NKAIN2: variants seen among roughly 807,000 people sequenced by gnomAD.
The protein encoded by NKAIN2 is sodium/potassium transporting ATPase interacting 2.
A neutral mutation model predicts 32.6 loss-of-function variants in NKAIN2; 14 were observed. The ratio of observed to expected loss-of-function variants is 0.43; its 90% confidence interval spans 0.28 to 0.67. The LOEUF (loss-of-function observed/expected upper bound fraction) is 0.67. Among genes scored for constraint, NKAIN2 ranks in the 30% least tolerant of loss-of-function variants. The probability of loss-of-function intolerance (pLI) is 0.17; values close to 1 mark genes in which losing one functional copy is unlikely to be tolerated. For missense variants in NKAIN2, 198 were observed against 258.3 expected, an observed-to-expected ratio of 0.77 and a Z score of 1.60; for synonymous variants, 80 against 87.2, an observed-to-expected ratio of 0.92 and a Z score of 0.46.
intron 1 of NKAIN2, among the ~76,000 whole-genome samples, chr6:124,129,003 A>G (rs1307941430): frequency 6.6e-6 from 1 of 152,134 alleles, no homozygotes; most frequent in East Asian, 1.9e-4. Flanking sequence ...GAGAATTTGA[A>G]TATCTAATAA....
chr6:124,033,474 G>A (rs991528188), intron 1 of NKAIN2, among the ~76,000 whole-genome samples: 3 of 151,990 alleles, frequency 2.0e-5, no homozygotes, highest in Non-Finnish European at 4.4e-5. Flanking sequence ...TAGAGCCCTT[G>A]GACATCAATT....
chr6:124,383,008 C>G (rs1583163258), intron 3 of NKAIN2, among the ~76,000 whole-genome samples: 1 of 152,126 alleles, frequency 6.6e-6, no homozygotes, highest in East Asian at 1.9e-4. Context: ...TTCCTCCTCA[C>G]TTTTCAAATC....
At chr6:124,718,366 A>G (rs1008799658) in intron 4 of NKAIN2, among the ~76,000 whole-genome samples, 6 of 152,132 alleles carry the variant, frequency 3.9e-5, no homozygotes, top group Admixed American at 6.6e-5. Flanking sequence ...TTTATTTAGC[A>G]TAATATTTTC....
At chr6:124,692,873 G>A (rs1228630687) in intron 4 of NKAIN2, among the ~76,000 whole-genome samples, 1 of 152,132 alleles carries the variant, frequency 6.6e-6, no homozygotes, top group Non-Finnish European at 1.5e-5. Context: ...GCCAGCTCCA[G>A]TAGTATCACA....
chr6:124,024,811 A>G (rs984660832), intron 1 of NKAIN2, among the ~76,000 whole-genome samples: 5 of 151,920 alleles, frequency 3.3e-5, no homozygotes, highest in African/African-American at 9.7e-5. Flanking sequence ...ACATGGTGAA[A>G]CCCTGTCTCT....
intron 3 of NKAIN2, among the ~76,000 whole-genome samples, chr6:124,488,065 T>C (rs948778069): frequency 3.9e-5 from 6 of 152,126 alleles, no homozygotes; most frequent in Non-Finnish European, 8.8e-5. Context: ...TATAGTGCAT[T>C]GTGCATCACT....
chr6:124,805,773 C>T (rs1349799099), intron 5 of NKAIN2, among the ~76,000 whole-genome samples: 4 of 152,028 alleles, frequency 2.6e-5, no homozygotes, highest in Non-Finnish European at 5.9e-5. Context: ...ACTAGAATAA[C>T]CAATACAGAG....
chr6:124,720,338 G>T (rs879309197), intron 4 of NKAIN2, among the ~76,000 whole-genome samples: 1 of 152,062 alleles, frequency 6.6e-6, no homozygotes, highest in East Asian at 1.9e-4. Flanking sequence ...ACCTTTACCC[G>T]CAATTGACAA....
At position 124,082,287 on chromosome 6, in the gene NKAIN2, C is replaced by T. The variant is rs17086578; in HGVS notation, c.55-200718C>T. ...AAAGTGTTATATGAGTTATTTACTA[C>T]GTCCTTTTTTATCCAATTGCTTAAT... is the stretch of plus-strand genomic sequence containing the variant. On this transcript the variant is annotated intron_variant, in intron 1 of 6. Transcript: ENST00000368417. 7.7e-3 allele frequency among the ~76,000 whole-genome samples: 1,166 copies of T among 152,136 alleles called. 26 individuals carry two copies. In the East Asian group the frequency reaches 0.079, roughly 10 times the overall value.
intron 1 of NKAIN2, among the ~76,000 whole-genome samples, chr6:123,974,138 A>T (rs1240154922): frequency 6.6e-6 from 1 of 152,184 alleles, no homozygotes; most frequent in Non-Finnish European, 1.5e-5. Flanking sequence ...CTAATAAAGA[A>T]AGGAAATTGA....
Position 124,644,529 on chromosome 6 carries a change from G to A in NKAIN2, c.274-13657G>A, listed in dbSNP as rs9375348. ...AAGCGATTCTCCTGCCTCAGCCTTC[G>A]GAGTAGCTGGGACTACAGGCATGTG... On this transcript the variant is annotated intron_variant, in intron 3 of 6. Transcript: ENST00000368417. Among the ~76,000 whole-genome samples, 30 of 151,654 alleles carry A rather than the reference G, an allele frequency of 2.0e-4. No homozygotes were observed. In the East Asian group the frequency reaches 2.3e-3, roughly 12 times the overall value.
chr6:124,463,793 C>T (rs991743415), intron 3 of NKAIN2, among the ~76,000 whole-genome samples: 2 of 151,852 alleles, frequency 1.3e-5, no homozygotes, highest in Non-Finnish European at 2.9e-5. Context: ...GTTTTTATTG[C>T]GATTTAAGAT....
At chr6:124,707,574 C>T (rs1465065106) in intron 4 of NKAIN2, among the ~76,000 whole-genome samples, 1 of 132,770 alleles carries the variant, frequency 7.5e-6, no homozygotes, top group African/African-American at 3.0e-5. Context: ...TTTTGATTTG[C>T]ATTTCTCTGA....
chr6:124,749,735 T>A (rs575830739), intron 4 of NKAIN2, among the ~76,000 whole-genome samples: 1 of 152,120 alleles, frequency 6.6e-6, no homozygotes, highest in South Asian at 2.1e-4. Flanking sequence ...ATTCTCTGCA[T>A]AAAATTCTAA....
chr6:124,115,797 CTCAT>C (rs1785581234), intron 1 of NKAIN2, among the ~76,000 whole-genome samples: 1 of 151,944 alleles, frequency 6.6e-6, no homozygotes, highest in South Asian at 2.1e-4. Flanking sequence ...ATTTTTAAAA[CTCAT>C]TCTGATTTCA....
chr6:124,174,775 G>A (rs1033219956), intron 1 of NKAIN2, among the ~76,000 whole-genome samples: 9 of 152,164 alleles, frequency 5.9e-5, no homozygotes, highest in African/African-American at 2.2e-4. Flanking sequence ...TGAAAGAAAA[G>A]CAGGGAAATG....
At chr6:124,243,281 G>A (rs1311517087) in intron 1 of NKAIN2, among the ~76,000 whole-genome samples, 7 of 151,914 alleles carry the variant, frequency 4.6e-5, no homozygotes, top group African/African-American at 9.7e-5. Context: ...TAACACTTGA[G>A]GCCAGGAGTT....
intron 1 of NKAIN2, among the ~76,000 whole-genome samples, chr6:124,275,907 T>G (rs2626096): frequency 0.041 from 6,294 of 152,178 alleles, 409 homozygotes; most frequent in African/African-American, 0.13. Context: ...CTAATTTTCA[T>G]GAAAATCTTA....
At chr6:124,508,376 G>A (rs996119203) in intron 3 of NKAIN2, among the ~76,000 whole-genome samples, 7 of 150,378 alleles carry the variant, frequency 4.7e-5, no homozygotes, top group Admixed American at 2.7e-4. Context: ...ATGGAGTCTC[G>A]CTCTGTCACC....
Sources: allele counts gnomAD v4.1 joint callset (sites outside exome capture counted in the v4.1 genomes callset), GRCh38; gene constraint gnomAD v4.1.1; transcripts MANE v1.5; gene names NCBI Gene and HGNC (gene_info 2026-07-23, HGNC 2026-07-21).